Variants in HOXC5 observed in about 807,000 individuals in gnomAD.
The protein encoded by HOXC5 is homeobox C5.
A neutral mutation model predicts 20.1 loss-of-function variants in HOXC5; 19 were observed. The observed-to-expected ratio is 0.94, with a 90% CI of 0.66 to 1.38. The LOEUF is 1.38. HOXC5 is among the 40% of genes most tolerant of loss of function. The probability of loss-of-function intolerance (pLI) is 0.00; values close to 1 mark genes in which losing one functional copy is unlikely to be tolerated. For missense variants in HOXC5, 330 were observed against 300.1 expected (o/e 1.10, Z -0.74); for synonymous variants, 124 against 117.0 (o/e 1.06, Z -0.39).
chr12:54,034,031 TC>T, intron 1 of HOXC5: 4 of 688,274 alleles, frequency 5.8e-6, no homozygotes, highest in East Asian at 2.9e-5. Flanking sequence ...GTCTCCCTCT[TC>T]CCCCCAACCC....
upstream of HOXC5, among the ~76,000 whole-genome samples, chr12:54,029,074 C>G (rs1940864459): frequency 6.6e-6 from 1 of 152,064 alleles, no homozygotes; most frequent in Non-Finnish European, 1.5e-5. Context: ...CTTCTGCCCC[C>G]TCAGCTCGCC....
the HOXC5 span, chr12:54,022,501 T>C: frequency 6.6e-6 from 1 of 152,170 alleles, no homozygotes; most frequent in African/African-American, 2.4e-5. Flanking sequence ...AAATTAATTT[T>C]CCCCTCCCAG....
chr12:54,029,035 C>A (rs1474625982), upstream of HOXC5: 3 of 1,017,082 alleles, frequency 2.9e-6, no homozygotes, highest in Non-Finnish European at 4.2e-6. Context: ...AACAATCACG[C>A]TCGTCTCCTC....
chr12:54,026,064 A>G, the HOXC5 span, among the ~76,000 whole-genome samples: 1 of 152,338 alleles, frequency 6.6e-6, no homozygotes, highest in South Asian at 2.1e-4. Flanking sequence ...ACAATTTAAT[A>G]TCTTGAAGGA....
In HOXC5 at chr12:54,033,083, A is replaced by C. The variant is rs760259017; in HGVS notation, c.-40A>C. Reference sequence around the variant, plus strand: ...TTCAAAGAGTCACAAATCACCCTTAATCAAAAAGGGTGCAGAAATTTTTTT... The same window carrying C: ...TTCAAAGAGTCACAAATCACCCTTACTCAAAAAGGGTGCAGAAATTTTTTT... On this transcript the variant is annotated 5_prime_UTR_variant, in exon 1 of 2. Coordinates refer to ENST00000312492, the MANE Select transcript of HOXC5 (RefSeq NM_018953.4). The C allele has an allele frequency of 1.3e-6, 2 of 1,537,310 alleles. No individual in the cohort carries two copies. The highest frequency in any genetic ancestry group is 1.4e-5 in the African/African-American group (1 of 72,848).
At chr12:54,017,995 A>C in the HOXC5 span, among the ~76,000 whole-genome samples, 508 of 152,250 alleles carry the variant, frequency 3.3e-3, 3 homozygotes, top group African/African-American at 0.012. Context: ...AAGCCGGCGC[A>C]GCTAGGCGGC....
chr12:54,033,301 G>C lies in HOXC5; in HGVS notation c.179G>C (p.Gly60Ala). 2 of 1,614,066 alleles carry C rather than the reference G, an allele frequency of 1.2e-6. No individual in the cohort carries two copies. Residue 60 changes from glycine (G) to alanine (A), a missense_variant, in exon 1 of 2, where the codon GGG becomes GCG. Coordinates refer to ENST00000312492, the MANE Select transcript of HOXC5 (RefSeq NM_018953.4). ...PPPAPSNSLHGVDMAANPRAH... is the reference protein window; with the variant it reads ...PPPAPSNSLHAVDMAANPRAH... ...CCTGCGCCTTCCAACTCTCTCCACG[G>C]GGTAGACATGGCTGCCAACCCCCGG...
the HOXC5 span, among the ~76,000 whole-genome samples, chr12:54,026,348 T>G: frequency 5.3e-5 from 8 of 152,192 alleles, no homozygotes; most frequent in Non-Finnish European, 1.2e-4. Context: ...AAACCTCTGC[T>G]CAGGCATGCC....
chr12:54,034,801 C>T lies in HOXC5; in HGVS notation c.*309C>T. The T allele has an allele frequency of 2.7e-6, 1 of 367,668 alleles. No homozygotes were observed. The highest frequency in any genetic ancestry group is 2.1e-5 in the African/African-American group (1 of 48,476). 22.8% of individuals were successfully genotyped at this position (367,668 alleles called of 1,614,324 possible). Reference sequence around the variant, plus strand: ...CAGGCTGGCGCAGAACGAACCTTGGCCTGGGCCGTATCTCCGGCTCCCAGC... The same window carrying T: ...CAGGCTGGCGCAGAACGAACCTTGGTCTGGGCCGTATCTCCGGCTCCCAGC... On this transcript the variant is annotated 3_prime_UTR_variant, in exon 2 of 2. Transcript: ENST00000312492.
upstream of HOXC5, chr12:54,032,941 C>G: frequency 1.8e-6 from 1 of 566,650 alleles, no homozygotes. Context: ...TATGAGTGGC[C>G]GCTCGAGTCA....
At chr12:54,034,157 GTCTTGCGGC>G in intron 1 of HOXC5, 112 bp from the exon 2 acceptor site, 1 of 981,698 alleles carries the variant, frequency 1.0e-6, no homozygotes, top group South Asian at 1.3e-5. Context: ...CGCGTGGCCT[GTCTTGCGGC>G]TCTCGCCTCC....
At chr12:54,026,157 C>T in the HOXC5 span, among the ~76,000 whole-genome samples, 1 of 152,138 alleles carries the variant, frequency 6.6e-6, no homozygotes, top group Non-Finnish European at 1.5e-5. Flanking sequence ...CTTCCGGCCT[C>T]TTCTACTTGT....
Position 54,033,085 on chromosome 12 carries a change from C to CA in HOXC5, c.-33dup, listed in dbSNP as rs1303595734. ...CAAAGAGTCACAAATCACCCTTAATCAAAAAGGGTGCAGAAATTTTTTTGG... is the reference window on the plus strand; with the variant it reads ...CAAAGAGTCACAAATCACCCTTAATCAAAAAAGGGTGCAGAAATTTTTTTGG... On this transcript the variant is annotated 5_prime_UTR_variant, in exon 1 of 2. Transcript: ENST00000312492. 5.2e-6 allele frequency: 8 copies of CA among 1,548,238 alleles called. No homozygotes were observed. In the African/African-American group the frequency reaches 1.1e-4, roughly 21 times the overall value.
Position 54,034,526 on chromosome 12 carries a change from A to T in HOXC5, c.*34A>T. ...GGGGAGGCCCGCAGAGCGCGCCCCT[A>T]GCCGGTTCCTGTCCCTGCGCCTTTC... On this transcript the variant is annotated 3_prime_UTR_variant, in exon 2 of 2. Coordinates refer to ENST00000312492, the MANE Select transcript of HOXC5 (RefSeq NM_018953.4). The T allele has an allele frequency of 1.3e-6, 2 of 1,561,334 alleles. No homozygotes were observed. Among genetic ancestry groups the T allele is most frequent in the Non-Finnish European group, 1.8e-6 (2 of 1,135,024 alleles).
At chr12:54,020,761 T>C in the HOXC5 span, 1 of 152,188 alleles carries the variant, frequency 6.6e-6, no homozygotes, top group East Asian at 1.9e-4. Context: ...GCTGGAAATA[T>C]GTGCTCACTG....
At position 54,033,480 on chromosome 12, in the gene HOXC5, G is replaced by A. The variant is rs750315927; in HGVS notation, c.358G>A (p.Glu120Lys). The A allele has an allele frequency of 3.8e-6, 6 of 1,595,552 alleles. No homozygotes were observed. Among genetic ancestry groups the A allele is most frequent in the South Asian group, 1.1e-5 (1 of 89,312 alleles). The change falls in exon 1 of 2, where the codon GAG (glutamate) becomes AAG (lysine). Residue 120 changes from glutamate (E) to lysine (K), a missense_variant. Transcript: ENST00000312492. The part of the protein sequence containing the change: ...ERAKSSGEIK[E>K]EQAQTGQPAG... ...AGCTAAGAGCAGTGGGGAGATCAAA[G>A]AGGAGCAGGCGCAGACAGGGCAGCC...
chr12:54,017,602 G>C, the HOXC5 span, among the ~76,000 whole-genome samples: 1 of 151,944 alleles, frequency 6.6e-6, no homozygotes, highest in African/African-American at 2.4e-5. Flanking sequence ...CCGGTAACTG[G>C]TAGTGGGGCG....
At position 54,033,593 on chromosome 12, in the gene HOXC5, C is replaced by A; in HGVS notation, c.454+17C>A. On this transcript the variant is annotated intron_variant, in intron 1 of 1. Coordinates refer to ENST00000312492, the MANE Select transcript of HOXC5 (RefSeq NM_018953.4). ...TGAGCCACGGTAAACTTTAGGACTT[C>A]ATTTTGCGCTCTCGGGTCCGCCTGG... 6.5e-7 allele frequency: 1 copy of A among 1,531,228 alleles called. No homozygotes were observed. The highest frequency in any genetic ancestry group is 8.8e-7 in the Non-Finnish European group (1 of 1,139,890). 94.9% of individuals were successfully genotyped at this position (1,531,228 alleles called of 1,614,324 possible).
At chr12:54,028,968 T>C (rs758073273), upstream of HOXC5, 12 of 1,532,074 alleles carry the variant, frequency 7.8e-6, no homozygotes, top group Non-Finnish European at 1.1e-5. Flanking sequence ...CTGAACTGGC[T>C]TTATGACCGG....
Sources: allele counts gnomAD v4.1 joint callset (sites outside exome capture counted in the v4.1 genomes callset), GRCh38; gene constraint gnomAD v4.1.1; transcripts MANE v1.5; gene names NCBI Gene and HGNC (gene_info 2026-07-23, HGNC 2026-07-21).